FADS2: variants seen among roughly 807,000 people sequenced by gnomAD.
FADS2 encodes the protein acyl-CoA 6-desaturase.
A neutral mutation model predicts 61.2 loss-of-function variants in FADS2; 18 were observed. The ratio of observed to expected loss-of-function variants is 0.29; its 90% CI spans 0.20 to 0.44. FADS2 has a LOEUF of 0.44. FADS2 is among the 20% of genes least tolerant of loss of function. The probability of loss-of-function intolerance (pLI) is 1.00; values close to 1 mark genes in which losing one functional copy is unlikely to be tolerated. For synonymous variants in FADS2, 203 were observed against 223.9 expected (o/e 0.91, Z 0.83); for missense variants, 322 against 572.7 (o/e 0.56, Z 4.47).
Position 61,865,546 on chromosome 11 carries a change from A to C in FADS2, c.1284-92A>C, listed in dbSNP as rs2067460871. On this transcript the variant is annotated intron_variant, in intron 11 of 11. Transcript: ENST00000278840. The surrounding 1 kb of genome is among the most constrained non-coding windows in gnomAD (Gnocchi z 4.1). ...CCTGGTTAGGGCCAAGGGGACATAC[A>C]TGCCACCTTAATGATGGCCTCCTCA... 2 of 1,229,348 alleles carry C rather than the reference A, an allele frequency of 1.6e-6. No individual in the cohort carries two copies. Among genetic ancestry groups the C allele is most frequent in the African/African-American group, 1.5e-5 (1 of 67,278 alleles). The allele number at this position is 1,229,348 out of a possible 1,614,324, so 76.2% of individuals were successfully genotyped here.
chr11:61,865,697 GC>G lies in FADS2; in HGVS notation c.*13del. The G allele has an allele frequency of 6.2e-7, 1 of 1,609,330 alleles. No homozygotes were observed. The highest frequency in any genetic ancestry group is 8.5e-7 in the Non-Finnish European group (1 of 1,177,358). On this transcript the variant is annotated 3_prime_UTR_variant, in exon 12 of 12. Coordinates refer to ENST00000278840, the MANE Select transcript of FADS2 (RefSeq NM_004265.4). The surrounding 1 kb of genome is among the most constrained non-coding windows in gnomAD (Gnocchi z 4.1). ...GCCTACCTTCACAAATGAAGCCACAGCCCCCGGGACACCGTGGGGAAGGGGT... is the reference window on the plus strand; with the variant it reads ...GCCTACCTTCACAAATGAAGCCACAGCCCCGGGACACCGTGGGGAAGGGGT...
intron 1 of FADS2, among the ~76,000 whole-genome samples, chr11:61,831,745 G>A (rs1438487884): frequency 3.9e-5 from 6 of 152,130 alleles, no homozygotes; most frequent in Non-Finnish European, 8.8e-5. Flanking sequence ...GGCTTAAGTG[G>A]CAGTGCTCAG....
chr11:61,835,688 G>A (rs796824048), intron 1 of FADS2, among the ~76,000 whole-genome samples: 3 of 151,458 alleles, frequency 2.0e-5, no homozygotes, highest in African/African-American at 7.3e-5. Context: ...TACCGCACCC[G>A]GCCCCCTCTT....
Position 61,862,968 on chromosome 11 carries a change from G to T in FADS2, c.883-4G>T. ...GTTGCACCTAACTTCATCTTTCCCC[G>T]CAGGACCTGGCCTGGGCCGTCAGCT... On this transcript the variant is annotated splice_region_variant and splice_polypyrimidine_tract_variant and intron_variant, in intron 7 of 11. Transcript: ENST00000278840. The T allele has an allele frequency of 1.9e-6, 3 of 1,613,766 alleles. No individual in the cohort carries two copies. Among genetic ancestry groups the T allele is most frequent in the Non-Finnish European group, 2.5e-6 (3 of 1,179,684 alleles).
In FADS2 at chr11:61,856,998, C is replaced by CGAGA; in HGVS notation, c.745-13_745-12insGAGA. ...AGGCTACTGGGTGCTCATGATCTCT[C>CGAGA]CTCTCTCCTCAGTACGGCAAGAAGA... On this transcript the variant is annotated splice_polypyrimidine_tract_variant and intron_variant, in intron 5 of 11. Coordinates refer to ENST00000278840, the MANE Select transcript of FADS2 (RefSeq NM_004265.4). The CGAGA allele has an allele frequency of 6.2e-7, 1 of 1,612,340 alleles. No individual in the cohort carries two copies. Among genetic ancestry groups the CGAGA allele is most frequent in the South Asian group, 1.1e-5 (1 of 91,052 alleles).
chr11:61,823,370 T>C (rs2067047905), upstream of FADS2, among the ~76,000 whole-genome samples: 1 of 152,220 alleles, frequency 6.6e-6, no homozygotes, highest in Non-Finnish European at 1.5e-5. Flanking sequence ...GGACATTATG[T>C]CCACCTCTAT....
In FADS2 at chr11:61,828,826, A is replaced by G; in HGVS notation, c.207+229A>G. 1 of 540,596 alleles carries G rather than the reference A, an allele frequency of 1.8e-6. No homozygotes were observed. Among genetic ancestry groups the G allele is most frequent in the Non-Finnish European group, 3.3e-6 (1 of 302,660 alleles). 33.5% of individuals were successfully genotyped at this position (540,596 alleles called of 1,614,324 possible). A position where few individuals can be genotyped will look rare whatever the true frequency, so the allele number is the denominator to read the frequency against. ...ACCCGGGGAGGCGGCGCTGCGGTGA[A>G]AGTCCCAGCGGTGGAGAACAGGGCA... On this transcript the variant is annotated intron_variant, in intron 1 of 11. Transcript: ENST00000278840. This position sits in a 1 kb window ranked among gnomAD's most constrained non-coding sequence, Gnocchi z 6.4.
intron 4 of FADS2, among the ~76,000 whole-genome samples, chr11:61,844,664 G>A (rs1411724501): frequency 6.6e-6 from 1 of 152,064 alleles, no homozygotes. Context: ...GGTGGCTCAC[G>A]CCTGTAATCC....
chr11:61,847,908 C>T, intron 4 of FADS2: 2 of 463,798 alleles, frequency 4.3e-6, no homozygotes, highest in Non-Finnish European at 8.0e-6. Flanking sequence ...AGCAGCACGC[C>T]TCATCTGCCA....
At chr11:61,835,498 A>G (rs896711593) in intron 1 of FADS2, among the ~76,000 whole-genome samples, 2 of 151,064 alleles carry the variant, frequency 1.3e-5, no homozygotes, top group African/African-American at 4.9e-5. Flanking sequence ...TGGCTAAAGC[A>G]ATTCCCTGCC....
chr11:61,826,459 C>A (rs2067087292), upstream of FADS2: 2 of 681,394 alleles, frequency 2.9e-6, no homozygotes, highest in Non-Finnish European at 5.4e-6. Context: ...CTCCCTGCTC[C>A]GAGCTCCACA....
intron 1 of FADS2, among the ~76,000 whole-genome samples, chr11:61,822,110 C>T (rs1207575929): frequency 6.6e-6 from 1 of 152,202 alleles, no homozygotes; most frequent in Non-Finnish European, 1.5e-5. Context: ...GCTGGGACTA[C>T]AGGCGTCTGC....
chr11:61,824,639 G>T (rs140954736), upstream of FADS2, among the ~76,000 whole-genome samples: 434 of 152,124 alleles, frequency 2.9e-3, 2 homozygotes, highest in African/African-American at 9.8e-3. Flanking sequence ...AATTGCTTTT[G>T]GTTTGTGACT....
In FADS2 at chr11:61,866,322, T is replaced by G; in HGVS notation, c.*633T>G. On this transcript the variant is annotated 3_prime_UTR_variant, in exon 12 of 12. Coordinates refer to ENST00000278840, the MANE Select transcript of FADS2 (RefSeq NM_004265.4). ...CCGCGGGCACAGCCAGCCCAAACCT[T>G]GGGCCCTGGAAGAGTCCTCCACCCC... The G allele has an allele frequency of 4.1e-6, 1 of 241,252 alleles. No homozygotes were observed. The highest frequency in any genetic ancestry group is 7.9e-6 in the Non-Finnish European group (1 of 126,550). The allele number at this position is 241,252 out of a possible 1,614,324, so 14.9% of individuals were successfully genotyped here.
At chr11:61,864,534 C>T (rs1358897603) in intron 10 of FADS2, among the ~76,000 whole-genome samples, 3 of 152,202 alleles carry the variant, frequency 2.0e-5, no homozygotes, top group Non-Finnish European at 4.4e-5. Flanking sequence ...GCTGGGATTA[C>T]AGGCGTGTGC....
intron 1 of FADS2, among the ~76,000 whole-genome samples, chr11:61,837,336 A>G (rs1005659915): frequency 6.6e-6 from 1 of 152,076 alleles, no homozygotes; most frequent in Non-Finnish European, 1.5e-5. Flanking sequence ...TGTCCTTTTC[A>G]TTGACCACCC....
chr11:61,821,271 G>T (rs1255602005), intron 1 of FADS2: 2 of 619,194 alleles, frequency 3.2e-6, no homozygotes, highest in Non-Finnish European at 2.9e-6. Flanking sequence ...TATAATCCCA[G>T]TGCTTTGGGA....
intron 1 of FADS2, among the ~76,000 whole-genome samples, chr11:61,818,937 C>G (rs2067012213): frequency 6.6e-6 from 1 of 151,468 alleles, no homozygotes. Flanking sequence ...GTGGCCTGAT[C>G]TCAGCTTGCT....
chr11:61,852,255 CTTTT>C (rs774235453), intron 5 of FADS2, among the ~76,000 whole-genome samples: 10 of 152,056 alleles, frequency 6.6e-5, no homozygotes, highest in Non-Finnish European at 1.5e-4. Flanking sequence ...CTTTCTCTCT[CTTTT>C]TGTTTTTGTT....
Sources: allele counts gnomAD v4.1 joint callset (sites outside exome capture counted in the v4.1 genomes callset), GRCh38; gene constraint gnomAD v4.1.1; non-coding constraint Gnocchi (gnomAD v3.1); transcripts MANE v1.5; gene names NCBI Gene and HGNC (gene_info 2026-07-23, HGNC 2026-07-21).